The following NOX4 variants were observed in gnomAD, a reference collection of about 807,000 sequenced individuals.
NOX4 encodes the protein NADPH oxidase 4.
Under a neutral mutation model 87.6 loss-of-function variants are expected in NOX4, and 69 were observed. The observed-to-expected ratio is 0.79, with a 90% confidence interval of 0.65 to 0.96. The LOEUF (loss-of-function observed/expected upper bound fraction) is 0.96, where lower values mean the gene tolerates loss of function less well. Among genes scored for constraint, NOX4 ranks in the 40% least tolerant of loss-of-function variants. NOX4 has a pLI of 0.00. For missense variants in NOX4, 680 were observed against 681.5 expected (o/e 1.00, Z 0.02); for synonymous variants, 275 against 238.2 (o/e 1.15, Z -1.42).
intron 2 of NOX4, among the ~76,000 whole-genome samples, chr11:89,481,057 G>GT (rs1032743245): frequency 6.6e-6 from 1 of 151,922 alleles, no homozygotes; most frequent in Non-Finnish European, 1.5e-5. Flanking sequence ...AGGACTGAAG[G>GT]TAACATGTTC....
At chr11:89,440,561 G>A (rs990984742) in intron 6 of NOX4, 127 bp downstream of exon 6, 4 of 504,578 alleles carry the variant, frequency 7.9e-6, no homozygotes, top group African/African-American at 2.0e-5. Context: ...CTGACCTCAG[G>A]TGATCCGCCC....
At chr11:89,474,109 C>T (rs1026100855) in intron 2 of NOX4, among the ~76,000 whole-genome samples, 2 of 152,024 alleles carry the variant, frequency 1.3e-5, no homozygotes, top group East Asian at 1.9e-4. Flanking sequence ...AAATTAATTG[C>T]GGTTTTTACT....
intron 12 of NOX4, among the ~76,000 whole-genome samples, chr11:89,358,463 C>T (rs1046812268): frequency 3.5e-5 from 5 of 144,702 alleles, no homozygotes; most frequent in African/African-American, 1.3e-4. Context: ...AAACACAGAA[C>T]TTTAAAAGCA....
At chr11:89,449,560 C>G in intron 3 of NOX4, 36 bp from the exon 4 acceptor site, 1 of 1,511,582 alleles carries the variant, frequency 6.6e-7, no homozygotes, top group Non-Finnish European at 9.1e-7. Flanking sequence ...AAAAATAATG[C>G]AACAAATGTG....
At chr11:89,565,525 A>C in the NOX4 span, among the ~76,000 whole-genome samples, 1 of 152,054 alleles carries the variant, frequency 6.6e-6, no homozygotes, top group African/African-American at 2.4e-5. Context: ...GTATAATTTG[A>C]AAGGGAAATA....
At chr11:89,424,232 A>G (rs901596622) in intron 7 of NOX4, among the ~76,000 whole-genome samples, 14 of 151,568 alleles carry the variant, frequency 9.2e-5, no homozygotes, top group Non-Finnish European at 1.8e-4. Flanking sequence ...ATTTTATTCA[A>G]TTTTTCAAAC....
chr11:89,403,745 A>G (rs1049175027), intron 8 of NOX4, among the ~76,000 whole-genome samples: 15 of 152,184 alleles, frequency 9.9e-5, no homozygotes, highest in Admixed American at 9.2e-4. Flanking sequence ...CTCCGTCTCA[A>G]AAATAAATAA....
chr11:89,487,813 C>T (rs1946691455), intron 2 of NOX4, among the ~76,000 whole-genome samples: 2 of 152,110 alleles, frequency 1.3e-5, no homozygotes, highest in African/African-American at 2.4e-5. Context: ...TGTTATACTG[C>T]ATTTCTTTGC....
At chr11:89,542,647 G>C in the NOX4 span, among the ~76,000 whole-genome samples, 2 of 152,090 alleles carry the variant, frequency 1.3e-5, no homozygotes, top group African/African-American at 4.8e-5. Context: ...AGCTTTTAGT[G>C]GTGTTCTTTG....
chr11:89,370,575 G>A (rs1274269053), intron 12 of NOX4, among the ~76,000 whole-genome samples: 2 of 152,060 alleles, frequency 1.3e-5, no homozygotes, highest in East Asian at 1.9e-4. Flanking sequence ...GTTTGAAACT[G>A]GAAAGAATGG....
At chr11:89,404,119 A>G (rs1250187245) in intron 8 of NOX4, among the ~76,000 whole-genome samples, 1 of 152,182 alleles carries the variant, frequency 6.6e-6, no homozygotes, top group African/African-American at 2.4e-5. Context: ...TACAAAATTG[A>G]GCCAAATTTT....
chr11:89,577,184 T>A, the NOX4 span: 1 of 152,132 alleles, frequency 6.6e-6, no homozygotes, highest in South Asian at 2.1e-4. Flanking sequence ...ATTATTAATT[T>A]TTTACTAGCA....
chr11:89,452,825 C>A (rs2135391985), intron 2 of NOX4, among the ~76,000 whole-genome samples: 1 of 152,188 alleles, frequency 6.6e-6, no homozygotes, highest in Admixed American at 6.5e-5. Context: ...AGCTATCCTC[C>A]TGCCTCAGCC....
intron 2 of NOX4, among the ~76,000 whole-genome samples, chr11:89,489,945 T>C (rs1164639470): frequency 1.3e-5 from 2 of 152,100 alleles, no homozygotes; most frequent in Admixed American, 6.5e-5. Context: ...CATATTATAG[T>C]AGAATACTGG....
At chr11:89,432,668 T>C (rs1318652251) in intron 7 of NOX4, 116 bp downstream of exon 7, 1 of 685,936 alleles carries the variant, frequency 1.5e-6, no homozygotes, top group South Asian at 1.9e-5. Flanking sequence ...TCACTCTTAC[T>C]TACCCAGAAT....
intron 11 of NOX4, among the ~76,000 whole-genome samples, chr11:89,386,397 A>C (rs1241823341): frequency 7.9e-5 from 12 of 152,088 alleles, no homozygotes; most frequent in Non-Finnish European, 1.2e-4. Context: ...TTTACCTCAA[A>C]CTGCCACCCT....
the NOX4 span, among the ~76,000 whole-genome samples, chr11:89,535,673 G>A: frequency 6.6e-6 from 1 of 151,228 alleles, no homozygotes; most frequent in East Asian, 1.9e-4. Context: ...CTGTGCTCTG[G>A]GATACAGAGT....
intron 17 of NOX4, among the ~76,000 whole-genome samples, chr11:89,334,909 G>A (rs955530668): frequency 4.6e-5 from 7 of 151,574 alleles, no homozygotes; most frequent in African/African-American, 1.7e-4. Flanking sequence ...TAATGGGACA[G>A]AAATACAACT....
the NOX4 span, among the ~76,000 whole-genome samples, chr11:89,579,405 G>T: frequency 6.6e-6 from 1 of 152,016 alleles, no homozygotes; most frequent in Non-Finnish European, 1.5e-5. Flanking sequence ...CATGTGTGGG[G>T]ACAGAGAGTG....
Sources: gnomAD v4.1 joint callset for allele counts (sites outside exome capture counted in the v4.1 genomes callset) on GRCh38, gnomAD v4.1.1 for gene constraint, MANE v1.5 for transcripts, NCBI Gene and HGNC (gene_info 2026-07-23, HGNC 2026-07-21) for gene names.